Variants in PELI2 observed in about 807,000 individuals in gnomAD.
PELI2 encodes E3 ubiquitin-protein ligase pellino homolog 2.
Under a neutral mutation model 42.3 loss-of-function variants are expected in PELI2, and 23 were observed. That is an observed-to-expected ratio of 0.54 (90% CI 0.39 to 0.77). The LOEUF (loss-of-function observed/expected upper bound fraction) is 0.77. Ranked by LOEUF, PELI2 falls within the 30% of genes least tolerant of loss-of-function variation. The pLI, the probability that PELI2 is intolerant of heterozygous loss-of-function variation, is 0.00. For missense variants in PELI2, 463 were observed against 553.2 expected, an observed-to-expected ratio of 0.84 and a Z score of 1.64; for synonymous variants, 245 against 212.2, an observed-to-expected ratio of 1.15 and a Z score of -1.34.
chr14:56,208,902 A>G (rs947367012), intron 2 of PELI2, among the ~76,000 whole-genome samples: 13 of 152,240 alleles, frequency 8.5e-5, no homozygotes, highest in South Asian at 2.1e-4. Flanking sequence ...GGGAAATTAC[A>G]GGAAAATTTT....
rs141297010 is a variant in PELI2, at chr14:56,273,480, A to G, written c.208-6196A>G. On this transcript the variant is annotated intron_variant, in intron 2 of 5. Coordinates refer to ENST00000267460, the MANE Select transcript of PELI2 (RefSeq NM_021255.3). This position sits in a 1 kb window ranked among gnomAD's most constrained non-coding sequence, Gnocchi z 4.3. Reference sequence around the variant, plus strand: ...TCAGGACAGAAAGTTAAGGGCTGCAAAAAAGCTGATTATAAAATTCCTTTG... The same window carrying G: ...TCAGGACAGAAAGTTAAGGGCTGCAGAAAAGCTGATTATAAAATTCCTTTG... Among the ~76,000 whole-genome samples the G allele has an allele frequency of 6.6e-3, 998 of 152,352 alleles. 10 individuals are homozygous for G. The highest frequency in any genetic ancestry group is 0.022 in the African/African-American group (932 of 41,574).
At chr14:56,199,268 A>G (rs940249016) in intron 2 of PELI2, among the ~76,000 whole-genome samples, 2 of 152,114 alleles carry the variant, frequency 1.3e-5, no homozygotes, top group Non-Finnish European at 2.9e-5. Context: ...CCACATGCCC[A>G]TATTTGGAAA....
intron 1 of PELI2, among the ~76,000 whole-genome samples, chr14:56,172,233 G>A (rs1885201781): frequency 6.6e-6 from 1 of 152,168 alleles, no homozygotes; most frequent in South Asian, 2.1e-4. Context: ...CAGCTGGTCT[G>A]GAGTGTCCAT....
chr14:56,257,840 T>A (rs1888576250), intron 2 of PELI2, among the ~76,000 whole-genome samples: 1 of 152,152 alleles, frequency 6.6e-6, no homozygotes, highest in Non-Finnish European at 1.5e-5. Context: ...AGACAAAGAT[T>A]ACAGTCTGAG....
intron 2 of PELI2, among the ~76,000 whole-genome samples, chr14:56,182,971 C>T (rs1468646707): frequency 5.9e-5 from 9 of 152,004 alleles, no homozygotes; most frequent in Admixed American, 1.3e-4. Flanking sequence ...CTCGGTGCTT[C>T]GGGAGAGTCA....
chr14:56,206,104 C>T (rs956797754), intron 2 of PELI2, among the ~76,000 whole-genome samples: 1 of 152,168 alleles, frequency 6.6e-6, no homozygotes, highest in African/African-American at 2.4e-5. Flanking sequence ...ACTGAAGTGA[C>T]ACACTTCATT....
At position 56,279,686 on chromosome 14, in the gene PELI2, G is replaced by A; in HGVS notation, c.218G>A (p.Cys73Tyr). 6.4e-7 allele frequency: 1 copy of A among 1,571,820 alleles called. No homozygotes were observed. Among genetic ancestry groups the A allele is most frequent in the Non-Finnish European group, 8.7e-7 (1 of 1,147,852 alleles). Reference sequence around the variant, plus strand: ...AAATTTTATTATTAGGCTATCAGCTGCAAAGGTCAACACAGTATATCCTAC... The same window carrying A: ...AAATTTTATTATTAGGCTATCAGCTACAAAGGTCAACACAGTATATCCTAC... ...STPQASKAIS[C>Y]KGQHSISYTL... Residue 73 changes from cysteine to tyrosine, a missense_variant, in exon 3 of 6, where the codon TGC becomes TAC. Cys to Tyr is a radical substitution (Grantham distance 194, BLOSUM62 -2). Coordinates refer to ENST00000267460, the MANE Select transcript of PELI2 (RefSeq NM_021255.3).
rs2139860705 is a variant in PELI2 at position 56,273,688 on chromosome 14, A to C, written c.208-5988A>C. ...ATAATGCTAACTGTATGTGAACAACAGTGGCAAGAGAGGGCTCAGGGGTGA... is the reference window on the plus strand; with the variant it reads ...ATAATGCTAACTGTATGTGAACAACCGTGGCAAGAGAGGGCTCAGGGGTGA... On this transcript the variant is annotated intron_variant, in intron 2 of 5. Coordinates refer to ENST00000267460, the MANE Select transcript of PELI2 (RefSeq NM_021255.3). The surrounding 1 kb of genome is among the most constrained non-coding windows in gnomAD (Gnocchi z 4.3). Among the ~76,000 whole-genome samples the C allele has an allele frequency of 6.6e-6, 1 of 152,330 alleles. No individual in the cohort carries two copies. The highest frequency in any genetic ancestry group is 6.5e-5 in the Admixed American group (1 of 15,296).
intron 3 of PELI2, among the ~76,000 whole-genome samples, chr14:56,283,282 ATT>A (rs1204062060): frequency 6.6e-6 from 1 of 152,116 alleles, no homozygotes; most frequent in Non-Finnish European, 1.5e-5. Context: ...CATACTTCCT[ATT>A]TTGTCATACA....
chr14:56,120,204 A>T (rs1037612583), intron 1 of PELI2, among the ~76,000 whole-genome samples: 3 of 152,226 alleles, frequency 2.0e-5, no homozygotes, highest in Non-Finnish European at 4.4e-5. Flanking sequence ...GAAAAGCCGC[A>T]GTTTAGTCTG....
chr14:56,270,833 A>G (rs1226966791), intron 2 of PELI2, among the ~76,000 whole-genome samples: 2 of 152,226 alleles, frequency 1.3e-5, no homozygotes, highest in African/African-American at 4.8e-5. Flanking sequence ...CTCAGATTCA[A>G]ACCTGGTCCA....
chr14:56,262,640 C>T (rs925875544), intron 2 of PELI2, among the ~76,000 whole-genome samples: 2 of 152,170 alleles, frequency 1.3e-5, no homozygotes, highest in African/African-American at 4.8e-5. Flanking sequence ...CACGGCTTTC[C>T]TCTTTGGCCG....
intron 2 of PELI2, among the ~76,000 whole-genome samples, chr14:56,251,321 T>C (rs1445773373): frequency 1.3e-5 from 2 of 152,210 alleles, no homozygotes; most frequent in African/African-American, 4.8e-5. Flanking sequence ...AGCATAATAT[T>C]TGTGTAGCAC....
At chr14:56,290,002 G>C (rs1354928599) in intron 4 of PELI2, among the ~76,000 whole-genome samples, 1 of 152,124 alleles carries the variant, frequency 6.6e-6, no homozygotes, top group Non-Finnish European at 1.5e-5. Flanking sequence ...AATCTTAGAG[G>C]GAGAAGCCCA....
chr14:56,230,532 T>A (rs1887520527), intron 2 of PELI2, among the ~76,000 whole-genome samples: 1 of 152,070 alleles, frequency 6.6e-6, no homozygotes, highest in African/African-American at 2.4e-5. Flanking sequence ...ATAAAATCCT[T>A]TACACACAAG....
Position 56,297,064 on chromosome 14 carries a change from T to G in PELI2, c.1161T>G (p.Pro387=). Residue 387 remains proline, a synonymous_variant, in exon 6 of 6, where the codon CCT becomes CCG. Transcript: ENST00000267460. ...SAKYWSQIPL[P]HGTHAFHAAC... is the part of the protein sequence containing the mutation. ...AATACTGGTCTCAGATCCCGTTGCC[T>G]CATGGAACTCATGCATTTCACGCTG... The G allele has an allele frequency of 6.2e-7, 1 of 1,612,932 alleles. No individual in the cohort carries two copies. The highest frequency in any genetic ancestry group is 8.5e-7 in the Non-Finnish European group (1 of 1,179,944).
At chr14:56,184,661 T>C (rs545310235) in intron 2 of PELI2, among the ~76,000 whole-genome samples, 3 of 152,134 alleles carry the variant, frequency 2.0e-5, no homozygotes, top group African/African-American at 7.2e-5. Context: ...AATCTCAGTA[T>C]TATTAGGGCT....
At chr14:56,157,792 A>T (rs1281198552) in intron 1 of PELI2, among the ~76,000 whole-genome samples, 2 of 152,226 alleles carry the variant, frequency 1.3e-5, no homozygotes, top group Non-Finnish European at 2.9e-5. Context: ...TAGGAGTAGT[A>T]AGAAAGGCAT....
intron 1 of PELI2, among the ~76,000 whole-genome samples, chr14:56,164,380 G>T (rs1884876017): frequency 6.6e-6 from 1 of 152,038 alleles, no homozygotes; most frequent in Non-Finnish European, 1.5e-5. Context: ...TTGCATCCCA[G>T]GAATAAATCC....
Sources: gnomAD v4.1 joint callset for allele counts (sites outside exome capture counted in the v4.1 genomes callset) on GRCh38, gnomAD v4.1.1 for gene constraint, Gnocchi (gnomAD v3.1) non-coding constraint, MANE v1.5 for transcripts, NCBI Gene and HGNC (gene_info 2026-07-23, HGNC 2026-07-21) for gene names.